The following SLC2A9 variants were observed in gnomAD, a reference collection of about 807,000 sequenced individuals.
The protein encoded by SLC2A9 is solute carrier family 2 member 9.
In SLC2A9, 39 loss-of-function variants were observed where a neutral mutation model predicts 50.6. That is an observed-to-expected ratio of 0.77 (90% confidence interval 0.60 to 1.01). SLC2A9 has a LOEUF of 1.01. SLC2A9 is among the 50% of genes least tolerant of loss of function. The pLI is 0.00. For synonymous variants in SLC2A9, 324 were observed against 276.9 expected, an observed-to-expected ratio of 1.17 and a Z score of -1.69; for missense variants, 686 against 677.6, an observed-to-expected ratio of 1.01 and a Z score of -0.14.
chr4:9,913,249 TA>T (rs1303990216), intron 7 of SLC2A9, among the ~76,000 whole-genome samples: 1 of 151,776 alleles, frequency 6.6e-6, no homozygotes, highest in Admixed American at 6.6e-5. Flanking sequence ...AATAGAAAAC[TA>T]ATATATACTG....
intron 10 of SLC2A9, among the ~76,000 whole-genome samples, chr4:9,835,454 A>G (rs1726888186): frequency 1.2e-5 from 1 of 80,368 alleles, no homozygotes. Context: ...CACTCTGCCA[A>G]TGAGATCTAC....
chr4:9,946,858 A>T (rs114137844), intron 5 of SLC2A9, among the ~76,000 whole-genome samples: 190 of 152,278 alleles, frequency 1.2e-3, no homozygotes, highest in African/African-American at 4.4e-3. Context: ...TTTCTGCTGA[A>T]ACTGAGCAGA....
chr4:10,030,368 C>A (rs2109589883), intron 1 of SLC2A9, among the ~76,000 whole-genome samples: 1 of 152,214 alleles, frequency 6.6e-6, no homozygotes, highest in African/African-American at 2.4e-5. Context: ...AAATAAAATA[C>A]TCTGTATGAT....
Position 9,849,278 on chromosome 4 carries a change from G to A in SLC2A9, c.1292-14270C>T, listed in dbSNP as rs540784688. Among the ~76,000 whole-genome samples, 118 of 152,314 alleles carry A rather than the reference G, an allele frequency of 7.7e-4. 1 individual carries two copies. The highest frequency in any genetic ancestry group is 6.2e-4 in the South Asian group (3 of 4,830). ...TGGGATATGGGTCAGCAGAAGGAGG[G>A]TGTGGAGGCAGACTGGGACACTGGT... On this transcript the variant is annotated intron_variant, in intron 10 of 11. Transcript: ENST00000264784.
intron 10 of SLC2A9, among the ~76,000 whole-genome samples, chr4:9,863,158 T>C (rs1577586877): frequency 6.6e-6 from 1 of 151,930 alleles, no homozygotes; most frequent in Admixed American, 6.6e-5. Flanking sequence ...AAAATTTTTT[T>C]TGTTTTGAGA....
At chr4:9,810,904 C>T (rs948928633) in intron 3 of SLC2A9, among the ~76,000 whole-genome samples, 1 of 152,198 alleles carries the variant, frequency 6.6e-6, no homozygotes, top group Non-Finnish European at 1.5e-5. Context: ...GATCATCATC[C>T]CCTTATGATG....
At chr4:9,897,327 A>G (rs532405415) in intron 8 of SLC2A9, among the ~76,000 whole-genome samples, 2 of 152,334 alleles carry the variant, frequency 1.3e-5, no homozygotes, top group African/African-American at 4.8e-5. Flanking sequence ...CACAGAGAAG[A>G]CAGAGCCAGG....
At chr4:9,978,881 A>G (rs1755248230) in intron 5 of SLC2A9, among the ~76,000 whole-genome samples, 1 of 152,222 alleles carries the variant, frequency 6.6e-6, no homozygotes, top group Non-Finnish European at 1.5e-5. Context: ...AAAATGGTAA[A>G]CTTTATGTGG....
At chr4:9,888,439 G>A (rs943251629) in intron 9 of SLC2A9, among the ~76,000 whole-genome samples, 1 of 151,842 alleles carries the variant, frequency 6.6e-6, no homozygotes, top group East Asian at 1.9e-4. Context: ...TCATTTCATG[G>A]AATATGTCTG....
intron 9 of SLC2A9, among the ~76,000 whole-genome samples, chr4:9,889,152 T>C (rs1736849909): frequency 6.6e-6 from 1 of 152,170 alleles, no homozygotes; most frequent in South Asian, 2.1e-4. Context: ...CACCCAGACT[T>C]GGAAGCAAGG....
At chr4:9,946,692 C>T (rs1451145623) in intron 5 of SLC2A9, among the ~76,000 whole-genome samples, 2 of 152,208 alleles carry the variant, frequency 1.3e-5, no homozygotes, top group East Asian at 1.9e-4. Context: ...TCCACGTGCC[C>T]AGCTCCCTGC....
At chr4:9,888,159 C>A (rs1236975178) in intron 9 of SLC2A9, among the ~76,000 whole-genome samples, 1 of 151,202 alleles carries the variant, frequency 6.6e-6, no homozygotes, top group African/African-American at 2.4e-5. Flanking sequence ...AGGAGAAACA[C>A]CTAATGTAGA....
At position 9,893,754 on chromosome 4, in the gene SLC2A9, G is replaced by T. The variant is rs148678890; in HGVS notation, c.1114-3043C>A. ...GGTCCTAGTGCCAGGAGGGACCCCCGCAAAGGTAATAGGAGAAAAGGCCCA... is the reference window on the plus strand; with the variant it reads ...GGTCCTAGTGCCAGGAGGGACCCCCTCAAAGGTAATAGGAGAAAAGGCCCA... On this transcript the variant is annotated intron_variant, in intron 8 of 11. Transcript: ENST00000264784. 2.6e-3 allele frequency among the ~76,000 whole-genome samples: 392 copies of T among 152,228 alleles called. 3 individuals are homozygous for T. The highest frequency in any genetic ancestry group is 8.6e-3 in the African/African-American group (357 of 41,540).
intron 8 of SLC2A9, among the ~76,000 whole-genome samples, chr4:9,898,385 T>C (rs545567921): frequency 2.0e-5 from 3 of 152,382 alleles, no homozygotes; most frequent in African/African-American, 7.2e-5. Context: ...TTTATCTCAA[T>C]TAAAGCGTCC....
upstream of SLC2A9, chr4:10,025,848 C>A (rs575005391): frequency 1.3e-6 from 2 of 1,537,774 alleles, no homozygotes; most frequent in African/African-American, 1.4e-5. Flanking sequence ...AGGGGTACTA[C>A]CCCCTGGGTG....
intron 6 of SLC2A9, among the ~76,000 whole-genome samples, chr4:9,929,887 T>C (rs1745598517): frequency 6.6e-6 from 1 of 152,166 alleles, no homozygotes; most frequent in Admixed American, 6.5e-5. Context: ...GTCAGCTCCC[T>C]GGTGAAAGCC....
chr4:9,796,406 A>C (rs189070632), downstream of SLC2A9, among the ~76,000 whole-genome samples: 248 of 152,296 alleles, frequency 1.6e-3, 2 homozygotes, highest in African/African-American at 5.7e-3. Flanking sequence ...GCAGGAAGTG[A>C]GGAGGAATAA....
intron 7 of SLC2A9, among the ~76,000 whole-genome samples, chr4:9,908,751 C>G (rs1347788143): frequency 6.6e-6 from 1 of 152,134 alleles, no homozygotes; most frequent in Non-Finnish European, 1.5e-5. Context: ...TCCTGCATTA[C>G]TGGGAATGTC....
chr4:10,029,822 G>A (rs370556632), intron 1 of SLC2A9, among the ~76,000 whole-genome samples: 3 of 151,968 alleles, frequency 2.0e-5, no homozygotes, highest in African/African-American at 7.2e-5. Flanking sequence ...TTTTAGTAGA[G>A]ATGGGGTTTC....
Sources: gnomAD v4.1 joint callset for allele counts (sites outside exome capture counted in the v4.1 genomes callset) on GRCh38, gnomAD v4.1.1 for gene constraint, MANE v1.5 for transcripts, NCBI Gene and HGNC (gene_info 2026-07-23, HGNC 2026-07-21) for gene names.